Variants in NOTCH3 observed in about 807,000 individuals in gnomAD.
NOTCH3 encodes notch receptor 3.
NOTCH3 carries 86 observed loss-of-function variants against 213.3 expected under a neutral mutation model. The ratio of observed to expected loss-of-function variants is 0.40; its 90% confidence interval spans 0.34 to 0.48. NOTCH3 has a LOEUF of 0.48. Among genes scored for constraint, NOTCH3 ranks in the 20% least tolerant of loss-of-function variants. NOTCH3 has a pLI of 0.57. For missense variants in NOTCH3, 2,783 were observed against 3,272.6 expected, an observed-to-expected ratio of 0.85 and a Z score of 3.65; for synonymous variants, 1,354 against 1,355.9, an observed-to-expected ratio of 1.00 and a Z score of 0.03.
Position 15,193,793 on chromosome 19 carries a change from AAAC to A in NOTCH3, c.198-1277_198-1275del, listed in dbSNP as rs1309913795. Among the ~76,000 whole-genome samples the A allele has an allele frequency of 2.4e-3, 333 of 138,950 alleles. 14 individuals carry two copies. Among genetic ancestry groups the A allele is most frequent in the African/African-American group, 5.1e-3 (192 of 37,906 alleles). The allele number at this position is 138,950 out of a possible 152,430, so 91.2% of individuals were successfully genotyped here. A position where few individuals can be genotyped will look rare whatever the true frequency, so the allele number is the denominator to read the frequency against. On this transcript the variant is annotated intron_variant, in intron 2 of 32. Coordinates refer to ENST00000263388, the MANE Select transcript of NOTCH3 (RefSeq NM_000435.3). ...CTCAAAAAAAAACAAAAAACAAAAAAAACAAACAGGCCAGGCGCAGTGGCTCAT... is the reference window on the plus strand; with the variant it reads ...CTCAAAAAAAAACAAAAAACAAAAAAAAACAGGCCAGGCGCAGTGGCTCAT...
At chr19:15,187,372 T>C (rs2145433532) in intron 10 of NOTCH3, 34 bp from the exon 11 acceptor site, 2 of 1,588,354 alleles carry the variant, frequency 1.3e-6, no homozygotes, top group Non-Finnish European at 1.7e-6. Context: ...TCCGCCCACT[T>C]GCCAGGGGCC....
chr19:15,184,880 G>A, intron 15 of NOTCH3, 26 bp downstream of exon 15: 1 of 1,264,044 alleles, frequency 7.9e-7, no homozygotes, highest in Non-Finnish European at 1.1e-6. Flanking sequence ...ATGGAGAGGA[G>A]GAGGGAAGAG....
chr19:15,185,537 G>A lies in NOTCH3; in HGVS notation c.2094C>T (p.Pro698=). The A allele has an allele frequency of 6.2e-7, 1 of 1,613,836 alleles. No homozygotes were observed. Among genetic ancestry groups the A allele is most frequent in the African/African-American group, 1.3e-5 (1 of 75,010 alleles). Residue 698 remains proline, a synonymous_variant, in exon 13 of 33, where the codon CCC becomes CCT. Coordinates refer to ENST00000263388, the MANE Select transcript of NOTCH3 (RefSeq NM_000435.3). The surrounding 1 kb of genome is among the most constrained non-coding windows in gnomAD (Gnocchi z 4.2). ...CGTGACTGCAGGGCTCATGGGCACAGGGATGGCTCGGGGGGAGGCAGAGTG... is the reference window on the plus strand; with the variant it reads ...CGTGACTGCAGGGCTCATGGGCACAAGGATGGCTCGGGGGGAGGCAGAGTG... ...LPPLCLPPSH[P]CAHEPCSHGI...
intron 2 of NOTCH3, 133 bp from the exon 3 acceptor site, chr19:15,192,652 C>T (rs1228123248): frequency 9.2e-6 from 12 of 1,298,050 alleles, no homozygotes; most frequent in East Asian, 5.1e-5. Context: ...CAGTGGCTCA[C>T]GCCTGTAATC....
chr19:15,178,714 T>A lies in NOTCH3; in HGVS notation c.3837+109A>T. 3.7e-6 allele frequency: 3 copies of A among 816,054 alleles called. No homozygotes were observed. The South Asian group carries it at 4.3e-5, about 12-fold the overall frequency. The allele number at this position is 816,054 out of a possible 1,614,324, so 50.6% of individuals were successfully genotyped here. A position where few individuals can be genotyped will look rare whatever the true frequency, so the allele number is the denominator to read the frequency against. Reference sequence around the variant, plus strand: ...TGTCAGCATTTTCCAGAAACTCCCTTCCCTTCGATGTCTCCCCTAAAGCCA... The same window carrying A: ...TGTCAGCATTTTCCAGAAACTCCCTACCCTTCGATGTCTCCCCTAAAGCCA... On this transcript the variant is annotated intron_variant, in intron 23 of 32. Transcript: ENST00000263388.
intron 2 of NOTCH3, 59 bp downstream of exon 2, chr19:15,197,441 G>GGGGGGGGCCC: frequency 3.9e-6 from 3 of 768,364 alleles, no homozygotes; most frequent in Non-Finnish European, 6.9e-6. Flanking sequence ...AAGACAAATC[G>GGGGGGGGCCC]CCCCTCCCCC....
chr19:15,185,781 G>T lies in NOTCH3; in HGVS notation c.1952-102C>A. 1 of 1,139,224 alleles carries T rather than the reference G, an allele frequency of 8.8e-7. No individual in the cohort carries two copies. The allele number at this position is 1,139,224 out of a possible 1,614,324, so 70.6% of individuals were successfully genotyped here. A position where few individuals can be genotyped will look rare whatever the true frequency, so the allele number is the denominator to read the frequency against. ...TAGCACACCCACACCCCCGAGCAAT[G>T]ACCTCTTTTTCATAACGCATCAGCT... On this transcript the variant is annotated intron_variant, in intron 12 of 32. Transcript: ENST00000263388. The surrounding 1 kb of genome is among the most constrained non-coding windows in gnomAD (Gnocchi z 4.2).
intron 2 of NOTCH3, among the ~76,000 whole-genome samples, chr19:15,194,308 G>C (rs1311466776): frequency 6.6e-6 from 1 of 152,166 alleles, no homozygotes; most frequent in African/African-American, 2.4e-5. Flanking sequence ...GAAGAAGACA[G>C]AGACAGGGAC....
At chr19:15,178,558 T>C in intron 23 of NOTCH3, 1 of 526,734 alleles carries the variant, frequency 1.9e-6, no homozygotes, top group East Asian at 3.4e-5. Context: ...CTAATTTTTA[T>C]ATTTTTAGTA....
chr19:15,184,378 T>C lies in NOTCH3; in HGVS notation c.2483A>G (p.Asn828Ser), dbSNP rs775851427. The C allele has an allele frequency of 1.5e-5, 24 of 1,613,578 alleles. No homozygotes were observed. The highest frequency in any genetic ancestry group is 2.0e-5 in the Non-Finnish European group (24 of 1,179,906). Residue 828 changes from asparagine to serine, a missense_variant, in exon 16 of 33, where the codon AAC becomes AGC. Around this residue, in one of 6 missense-constraint regions of NOTCH3, gnomAD observed 861 missense variants for 909.1 expected, o/e 0.95. Coordinates refer to ENST00000263388, the MANE Select transcript of NOTCH3 (RefSeq NM_000435.3). ...APCGPHGICT[N>S]LAGSFSCTCH... ...GGTGCAGCTGAAACTCCCTGCCAGG[T>C]TGGTGCAGATACCATGAGGGCCACA...
At chr19:15,196,022 G>A (rs1186971695) in intron 2 of NOTCH3, among the ~76,000 whole-genome samples, 1 of 147,312 alleles carries the variant, frequency 6.8e-6, no homozygotes, top group African/African-American at 2.5e-5. Flanking sequence ...GGTCTTGGGG[G>A]ATCCATGGGT....
intron 2 of NOTCH3, among the ~76,000 whole-genome samples, chr19:15,195,130 G>A (rs984414237): frequency 2.0e-5 from 3 of 151,990 alleles, no homozygotes; most frequent in African/African-American, 4.8e-5. Flanking sequence ...CATCCCACGC[G>A]GAAATGAGCA....
intron 25 of NOTCH3, among the ~76,000 whole-genome samples, chr19:15,173,826 T>G (rs1446249165): frequency 6.6e-6 from 1 of 150,922 alleles, no homozygotes; most frequent in East Asian, 1.9e-4. Flanking sequence ...ACACATGTAT[T>G]TAACCACTCT....
At chr19:15,180,047 C>T in intron 20 of NOTCH3, 25 bp downstream of exon 20, 1 of 1,547,648 alleles carries the variant, frequency 6.5e-7, no homozygotes, top group Non-Finnish European at 8.9e-7. Flanking sequence ...CCTCCTCTTC[C>T]CTCTCCTGGG....
chr19:15,191,902 G>A, intron 4 of NOTCH3, 35 bp from the exon 5 acceptor site: 1 of 1,613,824 alleles, frequency 6.2e-7, no homozygotes, highest in Non-Finnish European at 8.5e-7. Context: ...GTCACCGCCG[G>A]GCTGGCCTGC....
At chr19:15,169,716 T>TC (rs1298968150) in intron 28 of NOTCH3, among the ~76,000 whole-genome samples, 1 of 152,066 alleles carries the variant, frequency 6.6e-6, no homozygotes, top group South Asian at 2.1e-4. Context: ...TCAGGCTAAG[T>TC]CCATGCTGGA....
At chr19:15,195,233 G>C (rs2046960342) in intron 2 of NOTCH3, among the ~76,000 whole-genome samples, 1 of 152,150 alleles carries the variant, frequency 6.6e-6, no homozygotes, top group Non-Finnish European at 1.5e-5. Flanking sequence ...GGATGGGAGG[G>C]TGGAGGGTTG....
chr19:15,174,863 C>T (rs1450233452), intron 24 of NOTCH3, among the ~76,000 whole-genome samples: 2 of 152,230 alleles, frequency 1.3e-5, no homozygotes, highest in South Asian at 2.1e-4. Context: ...CATAAGTCAC[C>T]GCACGCAGCC....
intron 17 of NOTCH3, 48 bp from the exon 18 acceptor site, chr19:15,181,210 GGCCCT>G (rs2046838663): frequency 2.0e-6 from 3 of 1,522,206 alleles, no homozygotes; most frequent in African/African-American, 2.7e-5. Flanking sequence ...CCCCCTCACA[GGCCCT>G]GCCCTCCTTC....
Sources: allele counts gnomAD v4.1 joint callset (sites outside exome capture counted in the v4.1 genomes callset), GRCh38; gene constraint gnomAD v4.1.1; regional missense constraint gnomAD v4.1.1; non-coding constraint Gnocchi (gnomAD v3.1); transcripts MANE v1.5; gene names NCBI Gene and HGNC (gene_info 2026-07-23, HGNC 2026-07-21).